The following SLA variants were observed in gnomAD, a reference collection of about 807,000 sequenced individuals.
SLA encodes src-like-adapter.
A neutral mutation model predicts 30.3 loss-of-function variants in SLA; 16 were observed. The ratio of observed to expected loss-of-function variants is 0.53; its 90% confidence interval spans 0.36 to 0.80. The LOEUF (loss-of-function observed/expected upper bound fraction) is 0.80. Among genes scored for constraint, SLA ranks in the 30% least tolerant of loss-of-function variants. SLA has a pLI of 0.01. For synonymous variants in SLA, 143 were observed against 137.8 expected, an observed-to-expected ratio of 1.04 and a Z score of -0.26; for missense variants, 310 against 345.2, an observed-to-expected ratio of 0.90 and a Z score of 0.81.
intron 1 of SLA, among the ~76,000 whole-genome samples, chr8:133,078,304 G>A (rs1035842911): frequency 2.0e-5 from 3 of 152,198 alleles, no homozygotes; most frequent in African/African-American, 7.2e-5. Context: ...AAGAACTGGG[G>A]TGGGAGCATG....
chr8:133,065,976 C>CA (rs1458205371), intron 2 of SLA, among the ~76,000 whole-genome samples: 1 of 152,000 alleles, frequency 6.6e-6, no homozygotes, highest in Non-Finnish European at 1.5e-5. Context: ...GCAGAAGAAA[C>CA]AAGAGAGCGA....
intron 1 of SLA, among the ~76,000 whole-genome samples, chr8:133,081,508 C>G (rs1845736078): frequency 1.3e-5 from 2 of 152,154 alleles, no homozygotes; most frequent in South Asian, 4.1e-4. Flanking sequence ...ATTTCTCCAG[C>G]TGGAGTGGAA....
chr8:133,084,447 T>A (rs1369831952), intron 1 of SLA, among the ~76,000 whole-genome samples: 1 of 152,166 alleles, frequency 6.6e-6, no homozygotes, highest in Non-Finnish European at 1.5e-5. Context: ...TAAATTCTCT[T>A]TGAAATAAGA....
At position 133,074,948 on chromosome 8, in the gene SLA, C is replaced by T. The variant is rs180842693; in HGVS notation, c.-136G>A. The T allele has an allele frequency of 5.8e-5, 57 of 985,510 alleles. No homozygotes were observed. Among genetic ancestry groups the T allele is most frequent in the Non-Finnish European group, 6.9e-5 (57 of 829,978 alleles). 61.0% of individuals were successfully genotyped at this position (985,510 alleles called of 1,614,324 possible). On this transcript the variant is annotated 5_prime_UTR_variant, in exon 2 of 9. It introduces an in-frame stop codon into an upstream open reading frame of the 5' UTR. Transcript: ENST00000338087. ...CTCCGTCTGTCAACTGCTGCTGCTCCAGAATAAACAGGCAGCCGGGCTTCT... is the reference window on the plus strand; with the variant it reads ...CTCCGTCTGTCAACTGCTGCTGCTCTAGAATAAACAGGCAGCCGGGCTTCT...
intron 1 of SLA, among the ~76,000 whole-genome samples, chr8:133,085,943 A>G (rs564519136): frequency 3.3e-5 from 5 of 152,352 alleles, no homozygotes; most frequent in African/African-American, 1.2e-4. Context: ...AGCATTATTC[A>G]TAATTGGCAA....
chr8:133,072,183 G>A (rs1320710699), intron 2 of SLA, among the ~76,000 whole-genome samples: 1 of 152,200 alleles, frequency 6.6e-6, no homozygotes, highest in Non-Finnish European at 1.5e-5. Flanking sequence ...CTGGTGCTAA[G>A]GAGCGAAGTG....
chr8:133,094,089 A>G (rs9297865), intron 1 of SLA, among the ~76,000 whole-genome samples: 104,075 of 151,512 alleles, frequency 0.69, 36,249 homozygotes, highest in Non-Finnish European at 0.75. Context: ...TAGCGGATGC[A>G]CCCTGGAACT....
intron 3 of SLA, among the ~76,000 whole-genome samples, chr8:133,057,555 G>A (rs1227130621): frequency 6.6e-6 from 1 of 152,122 alleles, no homozygotes; most frequent in Admixed American, 6.5e-5. Context: ...TCGCTGTGAG[G>A]AGGGACTTGT....
chr8:133,038,517 T>C lies in SLA; in HGVS notation c.*7A>G, dbSNP rs1174050715. 2 of 1,599,702 alleles carry C rather than the reference T, an allele frequency of 1.3e-6. No homozygotes were observed. Among genetic ancestry groups the C allele is most frequent in the Non-Finnish European group, 1.7e-6 (2 of 1,166,812 alleles). ...TTTTGGGCATGAACCATTGTGTCTGTTCTTGGCTAGTCCTCAAAGTAAGGT... is the reference window on the plus strand; with the variant it reads ...TTTTGGGCATGAACCATTGTGTCTGCTCTTGGCTAGTCCTCAAAGTAAGGT... On this transcript the variant is annotated 3_prime_UTR_variant, in exon 9 of 9. Transcript: ENST00000338087.
At chr8:133,095,957 C>A (rs1435465089) in intron 1 of SLA, among the ~76,000 whole-genome samples, 1 of 152,202 alleles carries the variant, frequency 6.6e-6, no homozygotes, top group East Asian at 1.9e-4. Context: ...CCCATCCCTA[C>A]CTGGGGATCT....
At chr8:133,056,555 C>T (rs768855593) in intron 3 of SLA, among the ~76,000 whole-genome samples, 2 of 152,208 alleles carry the variant, frequency 1.3e-5, no homozygotes, top group African/African-American at 2.4e-5. Flanking sequence ...AGTCAGACCA[C>T]CTGGCTTTGA....
intron 1 of SLA, among the ~76,000 whole-genome samples, chr8:133,097,288 G>A (rs1377604812): frequency 8.5e-5 from 13 of 152,058 alleles, no homozygotes; most frequent in Admixed American, 8.5e-4. Context: ...TTCACCTTGG[G>A]GACTCTATCC....
intron 2 of SLA, among the ~76,000 whole-genome samples, chr8:133,074,524 G>T (rs911620470): frequency 6.6e-6 from 1 of 152,182 alleles, no homozygotes; most frequent in African/African-American, 2.4e-5. Context: ...CCTCAAGGTC[G>T]CACAGCTAGG....
Position 133,039,979 on chromosome 8 carries a change from A to T in SLA, c.617+19T>A. ...CACACACACACACACACACACACAC[A>T]TACACACACCATACTCACCTGGACA... On this transcript the variant is annotated intron_variant, in intron 8 of 8. Coordinates refer to ENST00000338087, the MANE Select transcript of SLA (RefSeq NM_001045556.3). The T allele has an allele frequency of 1.2e-6, 1 of 833,428 alleles. No individual in the cohort carries two copies. Among genetic ancestry groups the T allele is most frequent in the Non-Finnish European group, 1.5e-6 (1 of 652,982 alleles). The allele number at this position is 833,428 out of a possible 1,614,324, so 51.6% of individuals were successfully genotyped here.
chr8:133,069,875 G>A (rs1199329110), intron 2 of SLA, among the ~76,000 whole-genome samples: 1 of 151,568 alleles, frequency 6.6e-6, no homozygotes, highest in Non-Finnish European at 1.5e-5. Flanking sequence ...GGTGGCAGGT[G>A]CTGAAATCCC....
intron 3 of SLA, among the ~76,000 whole-genome samples, chr8:133,055,347 A>ACG (rs1564126079): frequency 7.5e-4 from 65 of 86,178 alleles, no homozygotes; most frequent in Non-Finnish European, 9.2e-4. Flanking sequence ...CATCTTCAGG[A>ACG]CACACACACG....
At chr8:133,092,324 G>A (rs1847689240) in intron 1 of SLA, among the ~76,000 whole-genome samples, 1 of 152,206 alleles carries the variant, frequency 6.6e-6, no homozygotes, top group South Asian at 2.1e-4. Flanking sequence ...AAAAGCAGTG[G>A]TCAGCAATTG....
chr8:133,088,405 G>A (rs533695324), intron 1 of SLA, among the ~76,000 whole-genome samples: 1 of 152,312 alleles, frequency 6.6e-6, no homozygotes, highest in South Asian at 2.1e-4. Flanking sequence ...GTAGCACAGT[G>A]TGGGGGGAAC....
chr8:133,047,789 G>T (rs769980399), intron 6 of SLA, 41 bp downstream of exon 6: 2 of 1,109,514 alleles, frequency 1.8e-6, no homozygotes, highest in Non-Finnish European at 2.8e-6. Flanking sequence ...AAACATGCTT[G>T]TCTGCCCCGG....
Sources: gnomAD v4.1 joint callset for allele counts (sites outside exome capture counted in the v4.1 genomes callset) on GRCh38, gnomAD v4.1.1 for gene constraint, MANE v1.5 for transcripts, NCBI Gene and HGNC (gene_info 2026-07-23, HGNC 2026-07-21) for gene names.